The following COL13A1 variants were observed in gnomAD, a reference collection of about 807,000 sequenced individuals.
The protein encoded by COL13A1 is collagen type XIII alpha 1 chain, also known as collagen alpha-1(XIII) chain.
COL13A1 carries 89 observed loss-of-function variants against 130.9 expected under a neutral mutation model. The observed-to-expected ratio is 0.68, with a 90% confidence interval of 0.57 to 0.81. The LOEUF is 0.81. COL13A1 is among the 30% of genes least tolerant of loss of function. COL13A1 has a pLI of 0.00. For synonymous variants in COL13A1, 402 were observed against 341.6 expected, an observed-to-expected ratio of 1.18 and a Z score of -1.95; for missense variants, 879 against 934.6, an observed-to-expected ratio of 0.94 and a Z score of 0.78.
At chr10:69,853,549 C>T (rs1019929005) in intron 2 of COL13A1, among the ~76,000 whole-genome samples, 2 of 152,020 alleles carry the variant, frequency 1.3e-5, no homozygotes, top group East Asian at 1.9e-4. Flanking sequence ...TAACGATGTT[C>T]ACACAAAGGT....
At chr10:69,869,225 A>G (rs908123321) in intron 3 of COL13A1, among the ~76,000 whole-genome samples, 2 of 152,140 alleles carry the variant, frequency 1.3e-5, no homozygotes, top group African/African-American at 4.8e-5. Context: ...CATGAGGTGG[A>G]GGGGATGAGT....
At chr10:69,877,725 A>T (rs1475456058) in intron 5 of COL13A1, 1 of 397,888 alleles carries the variant, frequency 2.5e-6, no homozygotes, top group Non-Finnish European at 4.6e-6. Context: ...ACACACACAC[A>T]CACACACACA....
intron 3 of COL13A1, among the ~76,000 whole-genome samples, chr10:69,868,084 C>T (rs1267154609): frequency 6.8e-6 from 1 of 146,782 alleles, no homozygotes; most frequent in Non-Finnish European, 1.5e-5. Context: ...CTCTAATTAG[C>T]TCAGTTCCTT....
chr10:69,950,042 C>T (rs141742743), intron 38 of COL13A1, among the ~76,000 whole-genome samples: 1 of 115,556 alleles, frequency 8.7e-6, no homozygotes, highest in Non-Finnish European at 1.9e-5. Flanking sequence ...CTTGTCTCCT[C>T]ACTTCTTCCT....
intron 2 of COL13A1, among the ~76,000 whole-genome samples, chr10:69,833,802 G>A (rs1252666100): frequency 6.6e-6 from 1 of 152,194 alleles, no homozygotes; most frequent in Non-Finnish European, 1.5e-5. Flanking sequence ...GGAATGATCT[G>A]GAGCGGTTGT....
chr10:69,812,276 C>A (rs1564730108), intron 1 of COL13A1, among the ~76,000 whole-genome samples: 1 of 152,084 alleles, frequency 6.6e-6, no homozygotes, highest in Non-Finnish European at 1.5e-5. Context: ...AGGCTAGGAG[C>A]ACAGACTCTG....
At chr10:69,889,646 A>C (rs1014487224) in intron 10 of COL13A1, among the ~76,000 whole-genome samples, 1 of 152,216 alleles carries the variant, frequency 6.6e-6, no homozygotes, top group Non-Finnish European at 1.5e-5. Flanking sequence ...CTCCATCTGA[A>C]GCATGAGGAT....
chr10:69,834,181 C>A (rs1413808823), intron 2 of COL13A1, among the ~76,000 whole-genome samples: 1 of 152,152 alleles, frequency 6.6e-6, no homozygotes, highest in Non-Finnish European at 1.5e-5. Context: ...TCACAAGGAA[C>A]CTGCAACCTA....
intron 35 of COL13A1, among the ~76,000 whole-genome samples, chr10:69,941,842 T>C (rs1433629567): frequency 6.6e-6 from 1 of 152,180 alleles, no homozygotes; most frequent in Non-Finnish European, 1.5e-5. Context: ...TCCCAGGGTA[T>C]TGAGCTCACT....
Position 69,898,726 on chromosome 10 carries a change from G to A in COL13A1, c.714G>A (p.Leu238=), listed in dbSNP as rs2061903037. Residue 238 remains leucine, a synonymous_variant, in exon 14 of 41, where the codon CTG becomes CTA. Transcript: ENST00000645393. ...RLLPLLNSVR[L]APPPVIKRRT... ...TGCCTCTCCTCAATTCAGTGCGACT[G>A]GCTCCACCCCCGGTCATAAAAAGGC... 1 of 1,613,568 alleles carries A rather than the reference G, an allele frequency of 6.2e-7. No individual in the cohort carries two copies. The highest frequency in any genetic ancestry group is 8.5e-7 in the Non-Finnish European group (1 of 1,179,696).
chr10:69,902,496 G>T (rs750313515), intron 14 of COL13A1, among the ~76,000 whole-genome samples: 1 of 152,124 alleles, frequency 6.6e-6, no homozygotes, highest in Non-Finnish European at 1.5e-5. Context: ...ATGTCTCTCC[G>T]CAGCAACTCC....
At chr10:69,940,889 G>A (rs2067531926) in intron 34 of COL13A1, 99 bp from the exon 35 acceptor site, 5 of 1,510,444 alleles carry the variant, frequency 3.3e-6, no homozygotes, top group Non-Finnish European at 4.6e-6. Context: ...TCTGTCCAGA[G>A]TCACTGCTTT....
chr10:69,925,379 G>C (rs897042502), intron 25 of COL13A1, among the ~76,000 whole-genome samples: 16 of 152,236 alleles, frequency 1.1e-4, no homozygotes, highest in African/African-American at 3.9e-4. Context: ...TGTCTGATTA[G>C]GAACAAAAGG....
At chr10:69,871,211 C>T (rs1326176912) in intron 3 of COL13A1, among the ~76,000 whole-genome samples, 7 of 152,194 alleles carry the variant, frequency 4.6e-5, no homozygotes, top group South Asian at 4.2e-4. Context: ...GTTTAAGGGA[C>T]GCAGTGCCTG....
intron 38 of COL13A1, among the ~76,000 whole-genome samples, chr10:69,948,776 A>G (rs772296155): frequency 6.6e-6 from 1 of 152,122 alleles, no homozygotes; most frequent in African/African-American, 2.4e-5. Context: ...GACGGTGACC[A>G]TGTTGCTCTA....
Position 69,937,620 on chromosome 10 carries a change from C to T in COL13A1, c.1798-15C>T, listed in dbSNP as rs895683186. 3.1e-6 allele frequency: 4 copies of T among 1,297,126 alleles called. No individual in the cohort carries two copies. The South Asian group carries it at 3.6e-5, about 12-fold the overall frequency. The allele number at this position is 1,297,126 out of a possible 1,614,324, so 80.4% of individuals were successfully genotyped here. A position where few individuals can be genotyped will look rare whatever the true frequency, so the allele number is the denominator to read the frequency against. ...ATGTCCTTGTGTGATCTCGTCCCCT[C>T]TCCCTTTCCTCCAGGGGGAAGCAGG... is the stretch of plus-strand genomic sequence containing the variant. On this transcript the variant is annotated splice_polypyrimidine_tract_variant and intron_variant, in intron 33 of 40. Coordinates refer to ENST00000645393, the MANE Select transcript of COL13A1 (RefSeq NM_001368882.1).
intron 2 of COL13A1, among the ~76,000 whole-genome samples, chr10:69,861,279 A>G (rs1857992253): frequency 6.6e-6 from 1 of 152,192 alleles, no homozygotes; most frequent in Admixed American, 6.5e-5. Flanking sequence ...TGGAGTTTAC[A>G]GGAAGGTGGC....
chr10:69,875,507 C>G (rs563123565), intron 5 of COL13A1, among the ~76,000 whole-genome samples: 2 of 152,332 alleles, frequency 1.3e-5, no homozygotes, highest in South Asian at 2.1e-4. Context: ...CTCCGCCCCC[C>G]AAAGCTGGCA....
intron 2 of COL13A1, among the ~76,000 whole-genome samples, chr10:69,843,032 G>T (rs996837030): frequency 2.0e-5 from 3 of 152,202 alleles, no homozygotes; most frequent in Non-Finnish European, 4.4e-5. Context: ...CGGCTGCTGA[G>T]CCTAAAGGCC....
Sources: gnomAD v4.1 joint callset for allele counts (sites outside exome capture counted in the v4.1 genomes callset) on GRCh38, gnomAD v4.1.1 for gene constraint, MANE v1.5 for transcripts, NCBI Gene and HGNC (gene_info 2026-07-23, HGNC 2026-07-21) for gene names.